The following KLB variants were observed in gnomAD, a reference collection of about 807,000 sequenced individuals.
KLB encodes beta-klotho.
A neutral mutation model predicts 88.4 loss-of-function variants in KLB; 44 were observed. That is an observed-to-expected ratio of 0.50 (90% CI 0.39 to 0.64). KLB has a LOEUF of 0.64. Ranked by LOEUF, KLB falls within the 30% of genes least tolerant of loss-of-function variation. The pLI is 0.00. For missense variants in KLB, 1,137 were observed against 1,304.8 expected (o/e 0.87, Z 1.98); for synonymous variants, 548 against 513.4 (o/e 1.07, Z -0.91).
chr4:39,413,929 G>A lies in KLB; in HGVS notation c.825+6155G>A, dbSNP rs541110753. 1.2e-4 allele frequency among the ~76,000 whole-genome samples: 18 copies of A among 152,036 alleles called. 1 individual carries two copies. The highest frequency in any genetic ancestry group is 4.3e-4 in the African/African-American group (18 of 41,486). Reference sequence around the variant, plus strand: ...AAACCTGGTCACTATTGACATTTGGGGTCAGATAATTCTTTGCTGTGGTAG... The same window carrying A: ...AAACCTGGTCACTATTGACATTTGGAGTCAGATAATTCTTTGCTGTGGTAG... On this transcript the variant is annotated intron_variant, in intron 1 of 4. Coordinates refer to ENST00000257408, the MANE Select transcript of KLB (RefSeq NM_175737.4).
intron 1 of KLB, among the ~76,000 whole-genome samples, chr4:39,414,666 C>T (rs1176962535): frequency 4.0e-5 from 6 of 151,604 alleles, no homozygotes; most frequent in Non-Finnish European, 7.4e-5. Context: ...GTCAGGAGTT[C>T]GAGACCAGCC....
chr4:39,448,881 T>G lies in KLB; in HGVS notation c.*195T>G, dbSNP rs1743824819. The G allele has an allele frequency of 1.8e-6, 1 of 567,622 alleles. No individual in the cohort carries two copies. The highest frequency in any genetic ancestry group is 3.1e-6 in the Non-Finnish European group (1 of 324,460). The allele number at this position is 567,622 out of a possible 1,614,324, so 35.2% of individuals were successfully genotyped here. A position where few individuals can be genotyped will look rare whatever the true frequency, so the allele number is the denominator to read the frequency against. ...GACATCAGTGAACTCAGTTCTTGGA[T>G]GTAAACATAAAGGCTTCATCCTGAC... On this transcript the variant is annotated 3_prime_UTR_variant, in exon 5 of 5. Transcript: ENST00000257408.
At chr4:39,431,045 T>A (rs945504423) in intron 1 of KLB, among the ~76,000 whole-genome samples, 11 of 150,998 alleles carry the variant, frequency 7.3e-5, no homozygotes, top group Admixed American at 4.0e-4. Flanking sequence ...GCTTCCTGAG[T>A]AGCTGGGACT....
At chr4:39,423,630 T>C (rs1388495838) in intron 1 of KLB, among the ~76,000 whole-genome samples, 2 of 151,740 alleles carry the variant, frequency 1.3e-5, no homozygotes, top group Non-Finnish European at 2.9e-5. Context: ...GAAGCTGTAT[T>C]ATCAATAAGG....
At chr4:39,447,619 C>T in intron 4 of KLB, 144 bp downstream of exon 4, 3 of 653,688 alleles carry the variant, frequency 4.6e-6, no homozygotes, top group Non-Finnish European at 7.1e-6. Context: ...GTCCTGAAAA[C>T]TGGCCTATGG....
Position 39,449,379 on chromosome 4 carries a change from T to TTAAA in KLB, c.*696_*697insATAA, listed in dbSNP as rs1352840861. ...TTTTGTTAGACTCTACAGCAGAGAT[T>TTAAA]TAACACCCTTCTTTAAACTGGGTAG... On this transcript the variant is annotated 3_prime_UTR_variant, in exon 5 of 5. Transcript: ENST00000257408. The TTAAA allele has an allele frequency of 6.6e-6, 1 of 151,856 alleles. No individual in the cohort carries two copies. The highest frequency in any genetic ancestry group is 1.5e-5 in the Non-Finnish European group (1 of 67,998). The allele number at this position is 151,856 out of a possible 1,614,324, so 9.4% of individuals were successfully genotyped here.
At chr4:39,426,285 C>T (rs995045576) in intron 1 of KLB, among the ~76,000 whole-genome samples, 1 of 148,166 alleles carries the variant, frequency 6.7e-6, no homozygotes, top group African/African-American at 2.5e-5. Context: ...TGTGGTGGTG[C>T]ATGCTTATAG....
At chr4:39,438,077 A>C in intron 3 of KLB, 82 bp downstream of exon 3, 1 of 1,306,454 alleles carries the variant, frequency 7.7e-7, no homozygotes, top group Non-Finnish European at 1.1e-6. Context: ...GCTAAGAGAT[A>C]GCTGTCAGAC....
chr4:39,411,337 A>AC (rs1742839904), intron 1 of KLB, among the ~76,000 whole-genome samples: 2 of 103,296 alleles, frequency 1.9e-5, no homozygotes, highest in Non-Finnish European at 3.6e-5. Flanking sequence ...TTTTGTTTTG[A>AC]TTTTTTTTTT....
rs1332888239 is a variant in KLB, at chr4:39,447,310, C to T, written c.2584C>T (p.Leu862=). 1 of 1,614,006 alleles carries T rather than the reference C, an allele frequency of 6.2e-7. No homozygotes were observed. The highest frequency in any genetic ancestry group is 8.5e-7 in the Non-Finnish European group (1 of 1,180,008). The change falls in exon 4 of 5, where the codon CTG becomes TTG. Residue 862 remains leucine, a synonymous_variant. Transcript: ENST00000257408. Reference sequence around the variant, plus strand: ...CACCCGCCTGAGCTCCCCCACGCGCCTGGCTGTGATTCCCTGGGGGGTGCG... The same window carrying T: ...CACCCGCCTGAGCTCCCCCACGCGCTTGGCTGTGATTCCCTGGGGGGTGCG... ...DITRLSSPTR[L]AVIPWGVRKL...
Position 39,407,043 on chromosome 4 carries a change from A to T in KLB, c.94A>T (p.Asn32Tyr), listed in dbSNP as rs779559314. Residue 32 changes from asparagine (N) to tyrosine (Y), a missense_variant, in exon 1 of 5, where the codon AAC (asparagine) becomes TAC (tyrosine). By Grantham distance (143) the Asn-to-Tyr change is moderately radical. This residue lies in a region of KLB where 111 missense variants were observed against 118.3 expected (regional missense o/e 0.94). Transcript: ENST00000257408. ...ITTRYRNTMS[N>Y]GGLQRSVILS... ...CACACGCTATAGGAATACAATGTCC[A>T]ACGGGGGATTGCAAAGATCTGTCAT... 2 of 1,614,146 alleles carry T rather than the reference A, an allele frequency of 1.2e-6. No homozygotes were observed. Among genetic ancestry groups the T allele is most frequent in the Non-Finnish European group, 1.7e-6 (2 of 1,179,962 alleles).
chr4:39,437,778 T>C lies in KLB; in HGVS notation c.1388T>C (p.Leu463Pro). The C allele has an allele frequency of 6.2e-7, 1 of 1,614,182 alleles. No individual in the cohort carries two copies. Among genetic ancestry groups the C allele is most frequent in the Non-Finnish European group, 8.5e-7 (1 of 1,180,000 alleles). Residue 463 changes from leucine to proline, a missense_variant, in exon 3 of 5, where the codon CTG (leucine) becomes CCG (proline). Leu to Pro is a moderately conservative substitution (Grantham distance 98). This residue lies in a region of KLB where 597 missense variants were observed against 765.2 expected (regional missense o/e 0.78). Transcript: ENST00000257408. ...RVFGYTAWSLLDGFEWQDAYT... is the reference protein window; with the variant it reads ...RVFGYTAWSLPDGFEWQDAYT... ...TTTGGTTATACTGCCTGGTCTCTCC[T>C]GGATGGCTTTGAATGGCAGGATGCT...
At chr4:39,419,656 A>G (rs1300711255) in intron 1 of KLB, among the ~76,000 whole-genome samples, 1 of 151,556 alleles carries the variant, frequency 6.6e-6, no homozygotes, top group African/African-American at 2.4e-5. Flanking sequence ...TGTGCCTGTA[A>G]TCCCAGCTAC....
In KLB at chr4:39,447,414, TCTG is replaced by T. The variant is rs1230053602; in HGVS notation, c.2689_2691del (p.Leu897del). 6.2e-7 allele frequency: 1 copy of T among 1,612,406 alleles called. No individual in the cohort carries two copies. Among genetic ancestry groups the T allele is most frequent in the Non-Finnish European group, 8.5e-7 (1 of 1,179,390 alleles). ...CCGCCAGTGGCATCGACGACCAGGC[TCTG>T]GAGGATGACCGGCTCCGGAAGTACT... On this transcript the variant is annotated inframe_deletion, in exon 4 of 5. Transcript: ENST00000257408.
chr4:39,446,641 G>A lies in KLB; in HGVS notation c.1915G>A (p.Val639Ile), dbSNP rs144804057. ...GCTGAAGCTTGGCATCTCCGCGATG[G>A]TCACCCTGTATTATCCGACCCACGC... Reference protein sequence around the residue: ...EGLKLGISAMVTLYYPTHAHL... With the variant: ...EGLKLGISAMITLYYPTHAHL... Residue 639 changes from valine to isoleucine, a missense_variant, in exon 4 of 5, where the codon GTC becomes ATC. Transcript: ENST00000257408. The surrounding 1 kb of genome is among the most constrained non-coding windows in gnomAD (Gnocchi z 6.4). 2.2e-4 allele frequency: 356 copies of A among 1,613,410 alleles called. No homozygotes were observed. The highest frequency in any genetic ancestry group is 2.9e-4 in the Non-Finnish European group (347 of 1,179,702).
At chr4:39,447,845 G>C (rs1203378485) in intron 4 of KLB, among the ~76,000 whole-genome samples, 2 of 152,102 alleles carry the variant, frequency 1.3e-5, no homozygotes, top group African/African-American at 2.4e-5. Flanking sequence ...GAAATGTTTC[G>C]ATACAAGCAT....
intron 1 of KLB, among the ~76,000 whole-genome samples, chr4:39,419,417 A>AT (rs34172594): frequency 0.24 from 36,079 of 152,008 alleles, 4,516 homozygotes; most frequent in East Asian, 0.36. Flanking sequence ...TGACTTTATA[A>AT]TATAAAATAA....
chr4:39,439,560 A>G (rs958587566), intron 3 of KLB, among the ~76,000 whole-genome samples: 7 of 151,374 alleles, frequency 4.6e-5, no homozygotes, highest in Non-Finnish European at 4.4e-5. Flanking sequence ...CTGCCTCCCC[A>G]GTTCAAACGA....
chr4:39,430,641 C>A (rs1455854808), intron 1 of KLB, among the ~76,000 whole-genome samples: 1 of 142,992 alleles, frequency 7.0e-6, no homozygotes, highest in African/African-American at 2.6e-5. Flanking sequence ...TGCTCTGTCA[C>A]CCAGGCTGGA....
Sources: gnomAD v4.1 joint callset for allele counts (sites outside exome capture counted in the v4.1 genomes callset) on GRCh38, gnomAD v4.1.1 for gene constraint, gnomAD v4.1.1 regional missense constraint, Gnocchi (gnomAD v3.1) non-coding constraint, MANE v1.5 for transcripts, NCBI Gene and HGNC (gene_info 2026-07-23, HGNC 2026-07-21) for gene names.